Variants in GABPB2 observed in about 807,000 individuals in gnomAD.
The protein encoded by GABPB2 is GA binding protein transcription factor subunit beta 2.
Under a neutral mutation model 39.1 loss-of-function variants are expected in GABPB2, and 23 were observed. That is an observed-to-expected ratio of 0.59 (90% CI 0.42 to 0.83). GABPB2 has a LOEUF of 0.83. Ranked by LOEUF, GABPB2 falls within the 40% of genes least tolerant of loss-of-function variation. The pLI, the probability that GABPB2 is intolerant of heterozygous loss-of-function variation, is 0.00. For synonymous variants in GABPB2, 184 were observed against 199.3 expected, an observed-to-expected ratio of 0.92 and a Z score of 0.65; for missense variants, 467 against 541.1, an observed-to-expected ratio of 0.86 and a Z score of 1.36.
Position 151,118,272 on chromosome 1 carries a change from A to G in GABPB2, c.*16A>G. ...TTCATCTTAATATGCAAGGGCCACA[A>G]TTTGCACTGTGTTCATATTAATCCT... On this transcript the variant is annotated 3_prime_UTR_variant, in exon 9 of 9. Transcript: ENST00000368918. 1.2e-6 allele frequency: 2 copies of G among 1,603,972 alleles called. No homozygotes were observed. Among genetic ancestry groups the G allele is most frequent in the South Asian group, 1.1e-5 (1 of 90,466 alleles).
At chr1:151,091,452 C>T (rs1678692877) in intron 3 of GABPB2, among the ~76,000 whole-genome samples, 1 of 107,652 alleles carries the variant, frequency 9.3e-6, no homozygotes, top group Non-Finnish European at 1.8e-5. Flanking sequence ...TGCGGTGGCT[C>T]ACTCCTGTGT....
intron 3 of GABPB2, among the ~76,000 whole-genome samples, chr1:151,092,340 C>T (rs954834021): frequency 7.9e-5 from 12 of 151,302 alleles, no homozygotes; most frequent in Middle Eastern, 3.4e-3. Flanking sequence ...CCCTTGACCT[C>T]GTGATCCACC....
At chr1:151,104,603 G>A (rs1405535985) in intron 6 of GABPB2, among the ~76,000 whole-genome samples, 1 of 152,054 alleles carries the variant, frequency 6.6e-6, no homozygotes, top group East Asian at 1.9e-4. Flanking sequence ...TGGCATGATG[G>A]TTGGATTAGG....
chr1:151,085,110 T>C (rs1048979921), intron 1 of GABPB2, among the ~76,000 whole-genome samples: 1 of 149,122 alleles, frequency 6.7e-6, no homozygotes, highest in Non-Finnish European at 1.5e-5. Flanking sequence ...AATAATAAAA[T>C]AAAATGGCCA....
At chr1:151,072,432 TG>T (rs945791879) in intron 1 of GABPB2, among the ~76,000 whole-genome samples, 2 of 152,030 alleles carry the variant, frequency 1.3e-5, no homozygotes, top group African/African-American at 4.8e-5. Flanking sequence ...TAGTGCCCAC[TG>T]GTGGTCCCAG....
chr1:151,111,614 T>C (rs12068717), intron 7 of GABPB2, among the ~76,000 whole-genome samples: 118,351 of 150,708 alleles, frequency 0.79, 46,651 homozygotes, highest in East Asian at 0.91. Context: ...TTAGTAGAGA[T>C]GGGGTTTCAC....
intron 1 of GABPB2, among the ~76,000 whole-genome samples, chr1:151,073,348 C>T (rs1417616191): frequency 2.0e-5 from 3 of 152,048 alleles, no homozygotes; most frequent in African/African-American, 2.4e-5. Flanking sequence ...ATTTTGTTTC[C>T]TCAGTTTATG....
intron 1 of GABPB2, among the ~76,000 whole-genome samples, chr1:151,072,251 T>C (rs1676791556): frequency 6.6e-6 from 1 of 152,166 alleles, no homozygotes; most frequent in Non-Finnish European, 1.5e-5. Context: ...AACACACACT[T>C]ATTGAAAGGT....
chr1:151,082,229 A>G (rs764365096), intron 1 of GABPB2, among the ~76,000 whole-genome samples: 2 of 150,694 alleles, frequency 1.3e-5, no homozygotes, highest in Non-Finnish European at 3.0e-5. Flanking sequence ...GGCACATGCC[A>G]CCATGCCCAG....
chr1:151,085,729 G>A (rs1478513971), intron 1 of GABPB2, among the ~76,000 whole-genome samples: 4 of 152,162 alleles, frequency 2.6e-5, no homozygotes, highest in Admixed American at 2.6e-4. Context: ...TGGGATTATA[G>A]GCGTGAGCCA....
At chr1:151,099,524 T>A (rs1008168883) in intron 5 of GABPB2, among the ~76,000 whole-genome samples, 4 of 152,014 alleles carry the variant, frequency 2.6e-5, no homozygotes, top group Non-Finnish European at 4.4e-5. Context: ...TTTATAAATA[T>A]TTTTTTTACA....
At chr1:151,113,812 C>T (rs1418812260) in intron 7 of GABPB2, among the ~76,000 whole-genome samples, 1 of 152,172 alleles carries the variant, frequency 6.6e-6, no homozygotes, top group Non-Finnish European at 1.5e-5. Context: ...GCCACCGTGC[C>T]CATCCTCTAC....
At chr1:151,111,132 T>C (rs1680388789) in intron 7 of GABPB2, among the ~76,000 whole-genome samples, 1 of 152,080 alleles carries the variant, frequency 6.6e-6, no homozygotes, top group Non-Finnish European at 1.5e-5. Context: ...AATACAAATA[T>C]TAGCCAGATG....
intron 1 of GABPB2, among the ~76,000 whole-genome samples, chr1:151,076,629 C>A (rs1677188975): frequency 6.6e-6 from 1 of 151,660 alleles, no homozygotes; most frequent in South Asian, 2.1e-4. Flanking sequence ...GGGCTTTCAC[C>A]ATGTTGGCCA....
At chr1:151,079,832 A>AT (rs1677502626) in intron 1 of GABPB2, among the ~76,000 whole-genome samples, 2 of 150,322 alleles carry the variant, frequency 1.3e-5, no homozygotes, top group Middle Eastern at 3.5e-3. Flanking sequence ...GGAGGCGGAG[A>AT]TTGCAGTGAG....
chr1:151,086,634 C>T (rs1433616945), intron 1 of GABPB2, among the ~76,000 whole-genome samples: 5 of 151,804 alleles, frequency 3.3e-5, no homozygotes, highest in African/African-American at 7.3e-5. Context: ...ACTGGCCTAA[C>T]GAGATCAGTG....
intron 8 of GABPB2, 37 bp downstream of exon 8, chr1:151,117,553 C>G: frequency 1.2e-6 from 2 of 1,605,574 alleles, no homozygotes; most frequent in African/African-American, 1.3e-5. Context: ...AATTTAAAGC[C>G]TTAATTATTA....
At chr1:151,117,698 C>G (rs1035549487) in intron 8 of GABPB2, among the ~76,000 whole-genome samples, 182 bp downstream of exon 8, 5 of 152,178 alleles carry the variant, frequency 3.3e-5, no homozygotes, top group African/African-American at 1.2e-4. Flanking sequence ...ATTCTCATGC[C>G]TCAGCCTCCT....
In GABPB2 at chr1:151,091,541, C is replaced by A. The variant is rs587595258; in HGVS notation, c.276+968C>A. On this transcript the variant is annotated intron_variant, in intron 3 of 8. Transcript: ENST00000368918. ...CCAGGCTCGAGTGCGGTGGCACAATCTTGGCTCATTGTAACCTTCGCCTCC... is the reference window on the plus strand; with the variant it reads ...CCAGGCTCGAGTGCGGTGGCACAATATTGGCTCATTGTAACCTTCGCCTCC... Among the ~76,000 whole-genome samples, 4 of 137,700 alleles carry A rather than the reference C, an allele frequency of 2.9e-5. No individual in the cohort carries two copies. The South Asian group carries it at 1.0e-3, about 36-fold the overall frequency. The allele number at this position is 137,700 out of a possible 152,430, so 90.3% of individuals were successfully genotyped here.
Sources: allele counts gnomAD v4.1 joint callset (sites outside exome capture counted in the v4.1 genomes callset), GRCh38; gene constraint gnomAD v4.1.1; transcripts MANE v1.5; gene names NCBI Gene and HGNC (gene_info 2026-07-23, HGNC 2026-07-21).